SLC30A7: variants seen among roughly 807,000 people sequenced by gnomAD.
The protein encoded by SLC30A7 is zinc transporter 7.
SLC30A7 carries 35 observed loss-of-function variants against 46.0 expected under a neutral mutation model. The ratio of observed to expected loss-of-function variants is 0.76; its 90% CI spans 0.58 to 1.01. The LOEUF (loss-of-function observed/expected upper bound fraction) is 1.01. SLC30A7 is among the 50% of genes least tolerant of loss of function. The probability of loss-of-function intolerance (pLI) is 0.00; values close to 1 mark genes in which losing one functional copy is unlikely to be tolerated. For missense variants in SLC30A7, 464 were observed against 451.1 expected (o/e 1.03, Z -0.26); for synonymous variants, 147 against 157.8 (o/e 0.93, Z 0.51).
chr1:100,937,292 G>T (rs893434503), intron 8 of SLC30A7, among the ~76,000 whole-genome samples: 1 of 152,054 alleles, frequency 6.6e-6, no homozygotes, highest in African/African-American at 2.4e-5. Flanking sequence ...GTATTTACTT[G>T]GAAGTGGAAT....
At chr1:100,909,320 T>C (rs1219653411) in intron 3 of SLC30A7, among the ~76,000 whole-genome samples, 1 of 152,134 alleles carries the variant, frequency 6.6e-6, no homozygotes, top group African/African-American at 2.4e-5. Flanking sequence ...GCAAGGACTT[T>C]TAAGTATTTC....
At chr1:100,991,008 G>A in the SLC30A7 span, among the ~76,000 whole-genome samples, 1 of 152,172 alleles carries the variant, frequency 6.6e-6, no homozygotes, top group Non-Finnish European at 1.5e-5. Context: ...TATTGACCTA[G>A]ATATACTGAA....
the SLC30A7 span, among the ~76,000 whole-genome samples, chr1:100,993,565 T>TAA: frequency 1.5e-5 from 1 of 68,740 alleles, no homozygotes; most frequent in Admixed American, 1.4e-4. Context: ...TATAAATATA[T>TAA]ATATATATAT....
chr1:100,967,181 T>C (rs956920907), intron 10 of SLC30A7, among the ~76,000 whole-genome samples: 2 of 152,200 alleles, frequency 1.3e-5, no homozygotes, highest in Non-Finnish European at 2.9e-5. Context: ...CCCTAGACAT[T>C]GATACCACTG....
At chr1:100,922,952 T>G (rs1451290935) in intron 8 of SLC30A7, among the ~76,000 whole-genome samples, 13 of 151,370 alleles carry the variant, frequency 8.6e-5, no homozygotes, top group African/African-American at 2.4e-4. Flanking sequence ...ATAACTAAGA[T>G]CTGCTAGAGG....
chr1:100,993,587 TATATATATATAG>T, the SLC30A7 span, among the ~76,000 whole-genome samples: 2 of 113,826 alleles, frequency 1.8e-5, no homozygotes, highest in Non-Finnish European at 3.8e-5. Flanking sequence ...TATATATATA[TATATATATATAG>T]CTATTGTGGC....
intron 8 of SLC30A7, among the ~76,000 whole-genome samples, chr1:100,935,003 C>T (rs1434626356): frequency 6.6e-6 from 1 of 151,182 alleles, no homozygotes; most frequent in East Asian, 1.9e-4. Context: ...CTCTGTCCCA[C>T]AAAAAGAAAA....
In SLC30A7 at chr1:100,965,865, C is replaced by T. The variant is rs1655829251; in HGVS notation, c.1030C>T (p.Pro344Ser). The T allele has an allele frequency of 1.2e-6, 2 of 1,613,656 alleles. No individual in the cohort carries two copies. The highest frequency in any genetic ancestry group is 1.6e-4 in the Middle Eastern group (1 of 6,084). The change falls in exon 10 of 11, where the codon CCT (proline) becomes TCT (serine). Residue 344 changes from proline (P) to serine (S), a missense_variant. Transcript: ENST00000357650. ...YVGTLKLIVA[P>S]DADARWILSQ... The stretch of plus-strand genomic sequence containing the variant: ...TGGGACCTTGAAATTAATAGTAGCA[C>T]CTGATGCTGATGCTAGGTGGATTTT...
chr1:100,913,674 A>C lies in SLC30A7; in HGVS notation c.523A>C (p.Ser175Arg). ...ACTTTGTTTTCTAGGCCACGGACAC[A>C]GTCATTCCCTCTTTAATGGTGCTCT... ...GHSHGSGHGHSHSLFNGALDQ... is the reference protein window; with the variant it reads ...GHSHGSGHGHRHSLFNGALDQ... The change falls in exon 6 of 11, where the codon AGT (serine) becomes CGT (arginine). Residue 175 changes from serine to arginine, a missense_variant. Physicochemically the swap from Ser to Arg is moderately radical, Grantham distance 110 (BLOSUM62 -1). Transcript: ENST00000357650. 6.2e-7 allele frequency: 1 copy of C among 1,613,840 alleles called. No individual in the cohort carries two copies. Among genetic ancestry groups the C allele is most frequent in the South Asian group, 1.1e-5 (1 of 91,058 alleles).
intron 10 of SLC30A7, among the ~76,000 whole-genome samples, chr1:100,967,588 C>T (rs1399245032): frequency 6.6e-6 from 1 of 152,114 alleles, no homozygotes; most frequent in East Asian, 1.9e-4. Flanking sequence ...TGATTTGATA[C>T]CATGGGGAAT....
chr1:100,953,442 A>G (rs539185360), intron 8 of SLC30A7, among the ~76,000 whole-genome samples: 1 of 152,280 alleles, frequency 6.6e-6, no homozygotes, highest in South Asian at 2.1e-4. Flanking sequence ...CCTGAATGGT[A>G]ATTCATTCAA....
At chr1:100,995,021 A>C in the SLC30A7 span, 1 of 913,306 alleles carries the variant, frequency 1.1e-6, no homozygotes. Context: ...ATTTTCAACC[A>C]TCTTTAGAAC....
At chr1:100,983,026 C>T (rs938066919), downstream of SLC30A7, among the ~76,000 whole-genome samples, 5 of 152,104 alleles carry the variant, frequency 3.3e-5, no homozygotes, top group African/African-American at 1.2e-4. Flanking sequence ...CAGAAGCCAC[C>T]CCATGTTAAA....
At chr1:100,926,399 G>A (rs774368822) in intron 8 of SLC30A7, among the ~76,000 whole-genome samples, 7 of 152,102 alleles carry the variant, frequency 4.6e-5, no homozygotes, top group Admixed American at 1.3e-4. Flanking sequence ...TACAGTCATG[G>A]TGGAAGGTGA....
chr1:100,958,974 A>C (rs939302043), intron 8 of SLC30A7, among the ~76,000 whole-genome samples: 1 of 152,222 alleles, frequency 6.6e-6, no homozygotes. Flanking sequence ...AAGAGGTGAC[A>C]CTTGAAATTT....
At chr1:100,962,679 C>A (rs2101086746) in intron 9 of SLC30A7, among the ~76,000 whole-genome samples, 1 of 152,256 alleles carries the variant, frequency 6.6e-6, no homozygotes, top group Admixed American at 6.5e-5. Flanking sequence ...AATTCTAACT[C>A]AGTGGGAAGC....
chr1:100,960,141 T>G (rs1462276066), intron 8 of SLC30A7, among the ~76,000 whole-genome samples: 1 of 152,230 alleles, frequency 6.6e-6, no homozygotes, highest in Non-Finnish European at 1.5e-5. Flanking sequence ...TCTATCCTCA[T>G]CACTGCCATC....
At chr1:100,954,125 G>T (rs1211111636) in intron 8 of SLC30A7, among the ~76,000 whole-genome samples, 1 of 152,144 alleles carries the variant, frequency 6.6e-6, no homozygotes, top group African/African-American at 2.4e-5. Flanking sequence ...GTGTTAAGTG[G>T]TTATTATGTT....
chr1:100,953,141 C>G (rs72734281), intron 8 of SLC30A7, among the ~76,000 whole-genome samples: 15,814 of 152,210 alleles, frequency 0.1, 876 homozygotes, highest in Middle Eastern at 0.2. Context: ...GTCCTGTCTT[C>G]TTCACCTTCT....
Sources: gnomAD v4.1 joint callset for allele counts (sites outside exome capture counted in the v4.1 genomes callset) on GRCh38, gnomAD v4.1.1 for gene constraint, MANE v1.5 for transcripts, NCBI Gene and HGNC (gene_info 2026-07-23, HGNC 2026-07-21) for gene names.